The following OPCML variants were observed in gnomAD, a reference collection of about 807,000 sequenced individuals.
OPCML encodes opioid-binding protein/cell adhesion molecule.
Under a neutral mutation model 37.8 loss-of-function variants are expected in OPCML, and 13 were observed. The observed-to-expected ratio is 0.34, with a 90% CI of 0.22 to 0.55. OPCML has a LOEUF of 0.55. Ranked by LOEUF, OPCML falls within the 20% of genes least tolerant of loss-of-function variation. The pLI is 0.91. For synonymous variants in OPCML, 176 were observed against 168.8 expected (o/e 1.04, Z -0.33); for missense variants, 341 against 435.6 (o/e 0.78, Z 1.93).
intron 1 of OPCML, among the ~76,000 whole-genome samples, chr11:133,204,491 AC>A (rs1938946773): frequency 1.3e-5 from 2 of 152,264 alleles, no homozygotes; most frequent in South Asian, 4.2e-4. Context: ...CAAGGAGTGG[AC>A]ACTTTGTCAG....
chr11:132,752,874 T>A (rs1315549652), intron 2 of OPCML, among the ~76,000 whole-genome samples: 1 of 152,144 alleles, frequency 6.6e-6, no homozygotes, highest in Non-Finnish European at 1.5e-5. Flanking sequence ...TCTTGTTGAG[T>A]CCACCTTCTA....
At chr11:133,351,049 T>C (rs12804771) in intron 1 of OPCML, among the ~76,000 whole-genome samples, 42,691 of 152,058 alleles carry the variant, frequency 0.28, 6,301 homozygotes, top group Admixed American at 0.33. Context: ...CTCAGGTCAA[T>C]AGAAGGAATA....
At chr11:133,416,189 T>TA (rs34840974) in intron 1 of OPCML, among the ~76,000 whole-genome samples, 14,401 of 149,182 alleles carry the variant, frequency 0.097, 1,976 homozygotes, top group African/African-American at 0.31. Context: ...ATCTTCAAGA[T>TA]AAAAAAAAAA....
At chr11:133,101,726 A>G (rs930282541) in intron 1 of OPCML, among the ~76,000 whole-genome samples, 3 of 152,240 alleles carry the variant, frequency 2.0e-5, no homozygotes, top group Non-Finnish European at 2.9e-5. Context: ...TTTTTCCACA[A>G]AATGAATTGA....
intron 1 of OPCML, among the ~76,000 whole-genome samples, chr11:133,090,399 G>A (rs1158663975): frequency 2.6e-5 from 4 of 151,980 alleles, no homozygotes; most frequent in African/African-American, 7.3e-5. Flanking sequence ...TTATGATGAG[G>A]GCACAGAAGA....
chr11:132,900,508 T>C (rs1323039308), intron 2 of OPCML, among the ~76,000 whole-genome samples: 1 of 152,198 alleles, frequency 6.6e-6, no homozygotes, highest in Non-Finnish European at 1.5e-5. Context: ...GCCAAAATTA[T>C]CTTTAAACAA....
intron 2 of OPCML, among the ~76,000 whole-genome samples, chr11:132,750,418 G>A (rs1176477491): frequency 1.3e-5 from 2 of 152,160 alleles, no homozygotes; most frequent in East Asian, 1.9e-4. Flanking sequence ...CAGAGCACAG[G>A]TGGAGGCTCA....
chr11:132,829,471 C>T (rs891302790), intron 2 of OPCML, among the ~76,000 whole-genome samples: 1 of 152,148 alleles, frequency 6.6e-6, no homozygotes, highest in African/African-American at 2.4e-5. Flanking sequence ...GTACAAAGCA[C>T]AAGACTGAAA....
intron 2 of OPCML, among the ~76,000 whole-genome samples, chr11:132,911,477 G>A (rs1172840641): frequency 6.6e-6 from 1 of 152,220 alleles, no homozygotes; most frequent in Admixed American, 6.5e-5. Context: ...AAGACATCCC[G>A]AGGAGAGTTT....
At chr11:133,501,473 T>C (rs1032643363) in intron 1 of OPCML, among the ~76,000 whole-genome samples, 2 of 152,182 alleles carry the variant, frequency 1.3e-5, no homozygotes, top group Non-Finnish European at 2.9e-5. Flanking sequence ...CCAACAAACA[T>C]TTGAAATAAT....
chr11:133,275,324 A>AT (rs111940938), intron 1 of OPCML, among the ~76,000 whole-genome samples: 3,646 of 151,914 alleles, frequency 0.024, 107 homozygotes, highest in African/African-American at 0.075. Flanking sequence ...TTAGGTGCCA[A>AT]TTTTTTTTTA....
At chr11:132,915,205 C>G (rs1288029664) in intron 2 of OPCML, among the ~76,000 whole-genome samples, 1 of 152,190 alleles carries the variant, frequency 6.6e-6, no homozygotes, top group Non-Finnish European at 1.5e-5. Flanking sequence ...CCACCAGACC[C>G]TATCTCCCCA....
At chr11:133,272,469 C>T (rs1371676692) in intron 1 of OPCML, among the ~76,000 whole-genome samples, 1 of 152,140 alleles carries the variant, frequency 6.6e-6, no homozygotes, top group African/African-American at 2.4e-5. Flanking sequence ...ATATACAGAA[C>T]ACCACCTCGA....
chr11:133,445,469 A>G (rs1316414223), intron 1 of OPCML, among the ~76,000 whole-genome samples: 3 of 152,198 alleles, frequency 2.0e-5, no homozygotes, highest in African/African-American at 4.8e-5. Flanking sequence ...TGCCTCATCA[A>G]CTGGAGTGGG....
intron 1 of OPCML, among the ~76,000 whole-genome samples, chr11:133,195,102 T>A (rs1487842540): frequency 6.6e-6 from 1 of 152,184 alleles, no homozygotes; most frequent in African/African-American, 2.4e-5. Context: ...CCAGAGTGCA[T>A]GAGTTTTGCA....
chr11:133,458,508 A>G (rs1946757880), intron 1 of OPCML, among the ~76,000 whole-genome samples: 1 of 121,574 alleles, frequency 8.2e-6, no homozygotes, highest in Non-Finnish European at 1.5e-5. Flanking sequence ...GTGTGTGTAT[A>G]TACACATATA....
intron 4 of OPCML, among the ~76,000 whole-genome samples, chr11:132,510,046 A>G (rs2096265537): frequency 1.3e-5 from 2 of 152,350 alleles, no homozygotes; most frequent in South Asian, 2.1e-4. Context: ...GCTGCCCAAG[A>G]CCATGGGAAC....
chr11:132,859,014 T>C (rs576957175), intron 2 of OPCML, among the ~76,000 whole-genome samples: 11 of 152,352 alleles, frequency 7.2e-5, no homozygotes, highest in South Asian at 6.2e-4. Context: ...ATATTAAATA[T>C]GCTCGTTTGT....
chr11:133,369,778 AT>A, intron 1 of OPCML, among the ~76,000 whole-genome samples: 1 of 152,336 alleles, frequency 6.6e-6, no homozygotes, highest in South Asian at 2.1e-4. Context: ...AGTATAGTAA[AT>A]AAAACAACAA....
Sources: allele counts gnomAD v4.1 joint callset (sites outside exome capture counted in the v4.1 genomes callset), GRCh38; gene constraint gnomAD v4.1.1; transcripts MANE v1.5; gene names NCBI Gene and HGNC (gene_info 2026-07-23, HGNC 2026-07-21).